The following FRYL variants were observed in gnomAD, a reference collection of about 807,000 sequenced individuals.
FRYL encodes protein furry homolog-like.
FRYL carries 150 observed loss-of-function variants against 351.2 expected under a neutral mutation model. The ratio of observed to expected loss-of-function variants is 0.43; its 90% CI spans 0.37 to 0.49. The LOEUF is 0.49. FRYL is among the 20% of genes least tolerant of loss of function. The probability of loss-of-function intolerance (pLI) is 0.00; values close to 1 mark genes in which losing one functional copy is unlikely to be tolerated. For synonymous variants in FRYL, 1,153 were observed against 1,257.1 expected (o/e 0.92, Z 1.75); for missense variants, 3,036 against 3,619.3 (o/e 0.84, Z 4.13).
chr4:48,557,345 A>G (rs1370981796), intron 34 of FRYL, 108 bp downstream of exon 34: 2 of 1,408,586 alleles, frequency 1.4e-6, no homozygotes, highest in African/African-American at 1.4e-5. Flanking sequence ...TTAAAGAAAG[A>G]TATTTGTTTG....
chr4:48,552,159 C>G (rs543198782), intron 36 of FRYL, among the ~76,000 whole-genome samples: 7 of 152,034 alleles, frequency 4.6e-5, no homozygotes, highest in Admixed American at 2.6e-4. Context: ...CTGCACCCCC[C>G]CCAACATCCT....
At chr4:48,732,151 C>T (rs6857581) in intron 1 of FRYL, among the ~76,000 whole-genome samples, 62,808 of 151,996 alleles carry the variant, frequency 0.41, 14,282 homozygotes, top group Admixed American at 0.56. Context: ...ATGACACTTA[C>T]GCAGCCAACA....
intron 3 of FRYL, among the ~76,000 whole-genome samples, chr4:48,644,293 T>C (rs1279724350): frequency 1.3e-5 from 2 of 152,084 alleles, no homozygotes; most frequent in Admixed American, 1.3e-4. Flanking sequence ...GATAGATCTA[T>C]ATTACAGTAT....
At chr4:48,742,973 ATTTTTTTTTTT>A (rs71191256) in intron 1 of FRYL, among the ~76,000 whole-genome samples, 29 of 81,750 alleles carry the variant, frequency 3.5e-4, no homozygotes, top group Admixed American at 7.6e-4. Context: ...CGCCTGGATA[ATTTTTTTTTTT>A]TTTTTTTTTT....
intron 7 of FRYL, among the ~76,000 whole-genome samples, chr4:48,611,386 T>A (rs1295674107): frequency 6.6e-6 from 1 of 152,100 alleles, no homozygotes; most frequent in East Asian, 1.9e-4. Context: ...TGGGGTATTT[T>A]TATATTTTTG....
intron 2 of FRYL, among the ~76,000 whole-genome samples, chr4:48,706,335 T>C (rs1201536110): frequency 6.6e-6 from 1 of 152,190 alleles, no homozygotes; most frequent in Non-Finnish European, 1.5e-5. Flanking sequence ...TTCTAACACG[T>C]ACTATAACAT....
Position 48,547,724 on chromosome 4 carries a change from A to C in FRYL, c.4934T>G (p.Leu1645Arg), listed in dbSNP as rs774439932. The C allele has an allele frequency of 6.3e-7, 1 of 1,581,196 alleles. No homozygotes were observed. The highest frequency in any genetic ancestry group is 8.6e-7 in the Non-Finnish European group (1 of 1,158,364). The change falls in exon 41 of 64, where the codon CTG becomes CGG. Residue 1645 changes from leucine (L) to arginine (R), a missense_variant. Physicochemically the swap from Leu to Arg is moderately radical, Grantham distance 102 (BLOSUM62 -2). Coordinates refer to ENST00000358350, the MANE Select transcript of FRYL (RefSeq NM_015030.2). ...CATTACTATTAATAAGTGCAGAAGC[A>C]GGCGTTTACAATGTTCATACACCTC... is the stretch of plus-strand genomic sequence containing the variant. ...HPEVYEHCKR[L>R]LLHLLIVMGP...
At chr4:48,683,945 G>A (rs568303627) in intron 3 of FRYL, among the ~76,000 whole-genome samples, 1 of 152,158 alleles carries the variant, frequency 6.6e-6, no homozygotes, top group African/African-American at 2.4e-5. Flanking sequence ...CCCTCTGCAG[G>A]TTGTCCTTAT....
intron 3 of FRYL, among the ~76,000 whole-genome samples, chr4:48,676,530 C>T (rs1236852771): frequency 6.6e-6 from 1 of 151,930 alleles, no homozygotes; most frequent in African/African-American, 2.4e-5. Context: ...TACAGGCTCC[C>T]GCCACCAGGC....
chr4:48,779,122 G>C (rs1776350311), intron 1 of FRYL, among the ~76,000 whole-genome samples: 1 of 152,040 alleles, frequency 6.6e-6, no homozygotes, highest in Non-Finnish European at 1.5e-5. Flanking sequence ...TGGCAGGAAA[G>C]ACCGGCAGCA....
At chr4:48,682,122 A>C (rs1160462096) in intron 3 of FRYL, among the ~76,000 whole-genome samples, 1 of 152,232 alleles carries the variant, frequency 6.6e-6, no homozygotes, top group Non-Finnish European at 1.5e-5. Context: ...ACACATAATA[A>C]TTTAAAAAAT....
chr4:48,779,929 C>T (rs1299376418), intron 1 of FRYL, 149 bp downstream of exon 1: 3 of 151,968 alleles, frequency 2.0e-5, no homozygotes, highest in African/African-American at 7.3e-5. Context: ...GGACCGCCTT[C>T]CCTCGGCGCC....
intron 15 of FRYL, among the ~76,000 whole-genome samples, chr4:48,595,283 C>T (rs943190078): frequency 1.3e-5 from 2 of 152,176 alleles, no homozygotes; most frequent in African/African-American, 4.8e-5. Context: ...AATCTATTAT[C>T]AGTACCTAAG....
chr4:48,534,439 T>C, intron 49 of FRYL, 106 bp downstream of exon 49: 1 of 872,582 alleles, frequency 1.1e-6, no homozygotes, highest in Non-Finnish European at 1.8e-6. Context: ...CGATTTATGG[T>C]TGAACCACTT....
intron 1 of FRYL, among the ~76,000 whole-genome samples, chr4:48,724,799 G>C (rs957328072): frequency 6.6e-6 from 1 of 152,184 alleles, no homozygotes; most frequent in Non-Finnish European, 1.5e-5. Context: ...CTTTAGAGTA[G>C]GGTAGAATAA....
chr4:48,704,416 T>C (rs1767083719), intron 2 of FRYL, among the ~76,000 whole-genome samples: 1 of 152,242 alleles, frequency 6.6e-6, no homozygotes, highest in South Asian at 2.1e-4. Flanking sequence ...AGGTTATGTA[T>C]GAAAAAAAGG....
At chr4:48,723,933 AT>A (rs1307754619) in intron 1 of FRYL, among the ~76,000 whole-genome samples, 4 of 128,000 alleles carry the variant, frequency 3.1e-5, no homozygotes, top group African/African-American at 1.3e-4. Flanking sequence ...AAAAAAAAAA[AT>A]AAATAAAATA....
chr4:48,584,653 T>G (rs1741706598), intron 19 of FRYL, among the ~76,000 whole-genome samples: 1 of 152,230 alleles, frequency 6.6e-6, no homozygotes, highest in African/African-American at 2.4e-5. Context: ...TCTATCTTAC[T>G]CCTATCTGTG....
intron 2 of FRYL, 98 bp downstream of exon 2, chr4:48,710,421 T>C: frequency 2.5e-6 from 1 of 397,900 alleles, no homozygotes; most frequent in South Asian, 1.3e-4. Flanking sequence ...TTGCCACTTT[T>C]AGATTTGATT....
Sources: gnomAD v4.1 joint callset for allele counts (sites outside exome capture counted in the v4.1 genomes callset) on GRCh38, gnomAD v4.1.1 for gene constraint, MANE v1.5 for transcripts, NCBI Gene and HGNC (gene_info 2026-07-23, HGNC 2026-07-21) for gene names.